Variants in LHFPL6 observed in about 807,000 individuals in gnomAD.
The protein encoded by LHFPL6 is LHFPL tetraspan subfamily member 6 protein.
LHFPL6 carries 9 observed loss-of-function variants against 20.6 expected under a neutral mutation model. The observed-to-expected ratio is 0.44, with a 90% CI of 0.26 to 0.76. The LOEUF is 0.76. Among genes scored for constraint, LHFPL6 ranks in the 30% least tolerant of loss-of-function variants. The pLI, the probability that LHFPL6 is intolerant of heterozygous loss-of-function variation, is 0.20. For missense variants in LHFPL6, 218 were observed against 253.5 expected, an observed-to-expected ratio of 0.86 and a Z score of 0.95; for synonymous variants, 105 against 98.7, an observed-to-expected ratio of 1.06 and a Z score of -0.38.
chr13:39,562,176 C>T (rs1015426896), intron 2 of LHFPL6, among the ~76,000 whole-genome samples: 1 of 151,962 alleles, frequency 6.6e-6, no homozygotes, highest in Non-Finnish European at 1.5e-5. Context: ...CCTTTCATTC[C>T]TCTAGGTAGG....
intron 2 of LHFPL6, among the ~76,000 whole-genome samples, chr13:39,410,468 A>T (rs1871219796): frequency 6.6e-6 from 1 of 152,206 alleles, no homozygotes. Flanking sequence ...ATGTTATTAC[A>T]CAACTTAGAA....
At chr13:39,480,162 T>C (rs1001162696) in intron 2 of LHFPL6, among the ~76,000 whole-genome samples, 2 of 152,080 alleles carry the variant, frequency 1.3e-5, no homozygotes, top group Non-Finnish European at 2.9e-5. Context: ...GAAGGTCTTG[T>C]CTGAGAAAAA....
intron 3 of LHFPL6, among the ~76,000 whole-genome samples, chr13:39,371,863 G>A (rs970414098): frequency 2.6e-5 from 4 of 152,218 alleles, no homozygotes; most frequent in African/African-American, 9.6e-5. Flanking sequence ...CAATTAGAGT[G>A]AGGAGAGAGA....
chr13:39,435,322 C>T (rs573497212), intron 2 of LHFPL6, among the ~76,000 whole-genome samples: 18 of 152,154 alleles, frequency 1.2e-4, no homozygotes, highest in Admixed American at 7.8e-4. Context: ...GAAAGTGAAC[C>T]CACATTGACA....
At position 39,474,821 on chromosome 13, in the gene LHFPL6, T is replaced by C. The variant is rs113569001; in HGVS notation, c.386-96295A>G. Reference sequence around the variant, plus strand: ...ACAGCGATGCATCTCACACAACACATGAGGCTGGAAGAACAGGAAGGGGAG... The same window carrying C: ...ACAGCGATGCATCTCACACAACACACGAGGCTGGAAGAACAGGAAGGGGAG... On this transcript the variant is annotated intron_variant, in intron 2 of 3. Coordinates refer to ENST00000379589, the MANE Select transcript of LHFPL6 (RefSeq NM_005780.3). 6.6e-4 allele frequency among the ~76,000 whole-genome samples: 100 copies of C among 151,572 alleles called. 1 individual carries two copies. In the South Asian group the frequency reaches 7.6e-3, roughly 11 times the overall value.
In LHFPL6 at chr13:39,454,628, CAAAAAAAAAAAA is replaced by C. The variant is rs57933417; in HGVS notation, c.386-76114_386-76103del. On this transcript the variant is annotated intron_variant, in intron 2 of 3. Transcript: ENST00000379589. ...TGGGCGACAGAGCGAGACTCCGTCT[CAAAAAAAAAAAA>C]AAAAAAAAAAAAAAAAGAGTTGTAA... Among the ~76,000 whole-genome samples, 16 of 68,514 alleles carry C rather than the reference CAAAAAAAAAAAA, an allele frequency of 2.3e-4. 6 individuals carry two copies. The highest frequency in any genetic ancestry group is 7.2e-4 in the African/African-American group (16 of 22,138). The allele number at this position is 68,514 out of a possible 152,430, so 44.9% of individuals were successfully genotyped here. A position where few individuals can be genotyped will look rare whatever the true frequency, so the allele number is the denominator to read the frequency against.
intron 2 of LHFPL6, among the ~76,000 whole-genome samples, chr13:39,560,691 G>A (rs1237058030): frequency 6.6e-6 from 1 of 151,730 alleles, no homozygotes; most frequent in Non-Finnish European, 1.5e-5. Flanking sequence ...ATTTCTTTTT[G>A]TATTTTTAGT....
intron 2 of LHFPL6, among the ~76,000 whole-genome samples, chr13:39,519,173 C>G (rs1240911658): frequency 2.0e-5 from 3 of 151,918 alleles, no homozygotes; most frequent in Non-Finnish European, 4.4e-5. Context: ...GAAGTAGAGG[C>G]TGCAATGGGC....
rs145182076 is a variant in LHFPL6 at position 39,521,557 on chromosome 13, G to A, written c.385+79275C>T. On this transcript the variant is annotated intron_variant, in intron 2 of 3. Transcript: ENST00000379589. ...AGCTAAAAATTTTTATATAGCAATAGGGCTGCTGATAAGATATCCAACGGG... is the reference window on the plus strand; with the variant it reads ...AGCTAAAAATTTTTATATAGCAATAAGGCTGCTGATAAGATATCCAACGGG... Among the ~76,000 whole-genome samples, 466 of 152,092 alleles carry A rather than the reference G, an allele frequency of 3.1e-3. 4 individuals carry two copies. The highest frequency in any genetic ancestry group is 0.011 in the African/African-American group (439 of 41,376).
rs771566035 is a variant in LHFPL6, at chr13:39,601,240, G to A, written c.-24C>T. 2.5e-6 allele frequency: 4 copies of A among 1,585,890 alleles called. No homozygotes were observed. Among genetic ancestry groups the A allele is most frequent in the African/African-American group, 1.3e-5 (1 of 74,362 alleles). On this transcript the variant is annotated 5_prime_UTR_variant, in exon 2 of 4. Coordinates refer to ENST00000379589, the MANE Select transcript of LHFPL6 (RefSeq NM_005780.3). ...ATCTTTCACCAGATAGGGCAATGAG[G>A]ACCCCAAGTAAGTGTTCAGGGACTG... is the stretch of plus-strand genomic sequence containing the variant.
intron 2 of LHFPL6, among the ~76,000 whole-genome samples, chr13:39,562,367 CATAT>C: frequency 1.3e-5 from 1 of 75,500 alleles, no homozygotes; most frequent in African/African-American, 4.7e-5. Flanking sequence ...TATACATATA[CATAT>C]ATACATATAT....
intron 2 of LHFPL6, among the ~76,000 whole-genome samples, chr13:39,385,947 A>AT (rs970890829): frequency 6.6e-6 from 1 of 151,806 alleles, no homozygotes; most frequent in East Asian, 1.9e-4. Flanking sequence ...TGTTTATTTT[A>AT]TTTTTTTAAT....
At chr13:39,529,003 G>A (rs1338975564) in intron 2 of LHFPL6, among the ~76,000 whole-genome samples, 1 of 152,176 alleles carries the variant, frequency 6.6e-6, no homozygotes, top group Non-Finnish European at 1.5e-5. Flanking sequence ...CAGCTGGAGG[G>A]CAAGTTTACT....
Position 39,454,325 on chromosome 13 carries a change from G to A in LHFPL6, c.386-75799C>T, listed in dbSNP as rs879561025. The stretch of plus-strand genomic sequence containing the variant: ...GACACTCCAATTTCTTCTCTCTAAC[G>A]TTTCCTTAAGAGTTGTAATTGGGGC... On this transcript the variant is annotated intron_variant, in intron 2 of 3. Coordinates refer to ENST00000379589, the MANE Select transcript of LHFPL6 (RefSeq NM_005780.3). Among the ~76,000 whole-genome samples the A allele has an allele frequency of 3.3e-5, 5 of 151,946 alleles. 1 individual carries two copies. Among genetic ancestry groups the A allele is most frequent in the Non-Finnish European group, 7.4e-5 (5 of 67,988 alleles).
At chr13:39,393,303 A>C (rs542102066) in intron 2 of LHFPL6, among the ~76,000 whole-genome samples, 152 of 152,342 alleles carry the variant, frequency 1.0e-3, no homozygotes, top group African/African-American at 3.3e-3. Context: ...GAAACATTCA[A>C]AACACGGAAG....
chr13:39,428,327 A>G (rs976548915), intron 2 of LHFPL6, among the ~76,000 whole-genome samples: 3 of 151,850 alleles, frequency 2.0e-5, no homozygotes, highest in African/African-American at 7.3e-5. Flanking sequence ...ATTCATCAGG[A>G]AAGTCAACTG....
intron 2 of LHFPL6, among the ~76,000 whole-genome samples, chr13:39,441,512 T>TTAG (rs1393129455): frequency 6.7e-6 from 1 of 149,822 alleles, no homozygotes; most frequent in Non-Finnish European, 1.5e-5. Flanking sequence ...AAAAAATACT[T>TTAG]TATTATTATT....
At position 39,452,894 on chromosome 13, in the gene LHFPL6, C is replaced by T. The variant is rs1043327885; in HGVS notation, c.386-74368G>A. Among the ~76,000 whole-genome samples, 5 of 152,304 alleles carry T rather than the reference C, an allele frequency of 3.3e-5. No individual in the cohort carries two copies. The South Asian group carries it at 1.0e-3, about 32-fold the overall frequency. On this transcript the variant is annotated intron_variant, in intron 2 of 3. Transcript: ENST00000379589. ...TTAGCTGGCTCTGTTCTCTATAGTT[C>T]TGTACCATCCTCTGGTTTTGTCCAT...
At chr13:39,502,177 A>G (rs1869315005) in intron 2 of LHFPL6, among the ~76,000 whole-genome samples, 1 of 152,210 alleles carries the variant, frequency 6.6e-6, no homozygotes, top group Non-Finnish European at 1.5e-5. Flanking sequence ...TGGCCTTGCC[A>G]GGAAGGCTCT....
Sources: gnomAD v4.1 joint callset for allele counts (sites outside exome capture counted in the v4.1 genomes callset) on GRCh38, gnomAD v4.1.1 for gene constraint, MANE v1.5 for transcripts, NCBI Gene and HGNC (gene_info 2026-07-23, HGNC 2026-07-21) for gene names.